Variants in ZFHX3 observed in about 807,000 individuals in gnomAD.
ZFHX3 encodes zinc finger homeobox protein 3.
Under a neutral mutation model 279.1 loss-of-function variants are expected in ZFHX3, and 42 were observed. The observed-to-expected ratio is 0.15, with a 90% CI of 0.12 to 0.19. ZFHX3 has a LOEUF of 0.19. Among genes scored for constraint, ZFHX3 ranks in the 10% least tolerant of loss-of-function variants. ZFHX3 has a pLI of 1.00. For missense variants in ZFHX3, 4,981 were observed against 4,754.0 expected (o/e 1.05, Z -1.40); for synonymous variants, 2,293 against 1,957.8 (o/e 1.17, Z -4.52).
chr16:73,737,438 C>G (rs1227152810), intron 1 of ZFHX3, among the ~76,000 whole-genome samples: 1 of 152,174 alleles, frequency 6.6e-6, no homozygotes, highest in East Asian at 1.9e-4. Context: ...TTTTGATCAT[C>G]CTTTGTGGGA....
chr16:73,154,718 C>A (rs1220606716), intron 5 of ZFHX3, among the ~76,000 whole-genome samples: 3 of 152,002 alleles, frequency 2.0e-5, no homozygotes, highest in Admixed American at 6.6e-5. Flanking sequence ...AAAAAGTGGA[C>A]ATTACATCAG....
rs115203120 is a variant in ZFHX3 at position 73,393,150 on chromosome 16, T to C, written c.-1291+62853A>G. On this transcript the variant is annotated intron_variant, in intron 3 of 17. Transcript: ENST00000641206. ...ATGCCTGGCCAGGAAAGAAGTTTCA[T>C]TGGCTCACAGCTCAGCATGGCTGGC... is the stretch of plus-strand genomic sequence containing the variant. 8.2e-3 allele frequency among the ~76,000 whole-genome samples: 1,246 copies of C among 152,296 alleles called. 12 individuals carry two copies. Among genetic ancestry groups the C allele is most frequent in the African/African-American group, 0.029 (1,192 of 41,560 alleles).
chr16:73,312,766 C>G (rs545205942), intron 4 of ZFHX3, among the ~76,000 whole-genome samples: 26 of 152,300 alleles, frequency 1.7e-4, no homozygotes, highest in African/African-American at 6.3e-4. Context: ...TAGGGGCATG[C>G]TCAAGGTCAA....
At chr16:73,410,674 C>T (rs917705978) in intron 3 of ZFHX3, among the ~76,000 whole-genome samples, 17 of 140,466 alleles carry the variant, frequency 1.2e-4, no homozygotes, top group African/African-American at 4.5e-4. Flanking sequence ...GCTCTTGGAC[C>T]AGTGTGATCT....
chr16:73,266,087 G>C (rs141655652), intron 4 of ZFHX3, among the ~76,000 whole-genome samples: 10 of 152,342 alleles, frequency 6.6e-5, no homozygotes, highest in African/African-American at 1.4e-4. Context: ...TTTTTCAGGA[G>C]AAAGATCTAG....
At chr16:73,537,747 C>G (rs1015238905) in intron 2 of ZFHX3, among the ~76,000 whole-genome samples, 2 of 152,184 alleles carry the variant, frequency 1.3e-5, no homozygotes, top group African/African-American at 4.8e-5. Flanking sequence ...CTTCAGGAGT[C>G]CCATGAAAAG....
chr16:73,513,626 G>A (rs1324297098), intron 2 of ZFHX3, among the ~76,000 whole-genome samples: 1 of 152,096 alleles, frequency 6.6e-6, no homozygotes, highest in African/African-American at 2.4e-5. Flanking sequence ...TGTGCACTGG[G>A]TCCTCAATTT....
At chr16:73,592,211 C>T (rs143452215) in intron 2 of ZFHX3, among the ~76,000 whole-genome samples, 7,975 of 152,052 alleles carry the variant, frequency 0.052, 278 homozygotes, top group South Asian at 0.098. Flanking sequence ...CCAGCATGGG[C>T]GACAGAGTGA....
At chr16:73,445,819 G>A (rs1359126247) in intron 3 of ZFHX3, among the ~76,000 whole-genome samples, 2 of 152,148 alleles carry the variant, frequency 1.3e-5, no homozygotes, top group South Asian at 2.1e-4. Flanking sequence ...CAGGGTTAGT[G>A]TGTAAATAAA....
Position 72,797,486 on chromosome 16 carries a change from T to TTGC in ZFHX3, c.5193_5195dup (p.Gln1741dup), listed in dbSNP as rs759114423. On this transcript the variant is annotated inframe_insertion, in exon 9 of 10. Coordinates refer to ENST00000268489, the MANE Select transcript of ZFHX3 (RefSeq NM_006885.4). Reference sequence around the variant, plus strand: ...GTTGTTGTTGTTGTTGTTGTTGTTGTTGCTGTTGCTGCTGCTGTTGTTGCT... The same window carrying TTGC: ...GTTGTTGTTGTTGTTGTTGTTGTTGTTGCTGCTGTTGCTGCTGCTGTTGTTGCT... 1.4e-5 allele frequency: 23 copies of TTGC among 1,610,740 alleles called. No individual in the cohort carries two copies. The East Asian group carries it at 2.9e-4, about 20-fold the overall frequency.
At chr16:73,362,510 G>A (rs924884904) in intron 3 of ZFHX3, among the ~76,000 whole-genome samples, 21 of 152,202 alleles carry the variant, frequency 1.4e-4, no homozygotes, top group Admixed American at 6.5e-5. Context: ...GGCCTCACCA[G>A]ACACACACCA....
intron 1 of ZFHX3, among the ~76,000 whole-genome samples, chr16:73,040,921 T>C (rs572641790): frequency 6.6e-6 from 1 of 152,290 alleles, no homozygotes; most frequent in Non-Finnish European, 1.5e-5. Flanking sequence ...AAATTACTGG[T>C]CCAAAGTCAC....
rs1043512853 is a variant in ZFHX3 at position 73,622,720 on chromosome 16, G to GC, written c.-1547+57459dup. ...GGCTTCCCAGTGACACTCTGGTATC[G>GC]CCCCCCCAACCTACAGCCTTCATGA... On this transcript the variant is annotated intron_variant, in intron 2 of 17. Coordinates refer to the ZFHX3 transcript ENST00000641206. Among the ~76,000 whole-genome samples, 33 of 151,934 alleles carry GC rather than the reference G, an allele frequency of 2.2e-4. No homozygotes were observed. In the East Asian group the frequency reaches 2.5e-3, roughly 12 times the overall value.
chr16:73,380,013 T>C (rs1337097723), intron 3 of ZFHX3, among the ~76,000 whole-genome samples: 1 of 151,952 alleles, frequency 6.6e-6, no homozygotes, highest in East Asian at 1.9e-4. Flanking sequence ...CAATGAAAAC[T>C]GGCAAAGGAG....
chr16:73,768,077 G>A (rs957238672), intron 1 of ZFHX3, among the ~76,000 whole-genome samples: 2 of 152,172 alleles, frequency 1.3e-5, no homozygotes, highest in African/African-American at 4.8e-5. Context: ...AGGGCCTTCG[G>A]TCAAAGTGAT....
chr16:73,263,942 A>G (rs904930900), intron 4 of ZFHX3, among the ~76,000 whole-genome samples: 3 of 152,160 alleles, frequency 2.0e-5, no homozygotes, highest in African/African-American at 7.2e-5. Flanking sequence ...CCAGGAGGGC[A>G]GATCACTTGA....
At chr16:73,798,646 A>C (rs993974189) in intron 1 of ZFHX3, among the ~76,000 whole-genome samples, 6 of 152,302 alleles carry the variant, frequency 3.9e-5, no homozygotes, top group Middle Eastern at 3.4e-3. Context: ...AAATTCAGGA[A>C]GTTGGCTGAG....
chr16:72,861,656 C>G (rs980787074), intron 4 of ZFHX3, among the ~76,000 whole-genome samples: 59 of 152,270 alleles, frequency 3.9e-4, no homozygotes, highest in African/African-American at 1.3e-3. Context: ...TACCAACATG[C>G]AAAAGATGCC....
At chr16:72,870,948 G>T (rs879299827) in intron 4 of ZFHX3, among the ~76,000 whole-genome samples, 1 of 151,918 alleles carries the variant, frequency 6.6e-6, no homozygotes, top group Non-Finnish European at 1.5e-5. Context: ...GATGTCAAGG[G>T]GCACCATGTG....
Sources: gnomAD v4.1 joint callset for allele counts (sites outside exome capture counted in the v4.1 genomes callset) on GRCh38, gnomAD v4.1.1 for gene constraint, MANE v1.5 for transcripts, NCBI Gene and HGNC (gene_info 2026-07-23, HGNC 2026-07-21) for gene names.